Variants in MKLN1 observed in about 807,000 individuals in gnomAD.
MKLN1 encodes the protein muskelin 1.
In MKLN1, 18 loss-of-function variants were observed where a neutral mutation model predicts 99.0. The ratio of observed to expected loss-of-function variants is 0.18; its 90% CI spans 0.13 to 0.27. The LOEUF is 0.27. MKLN1 is among the 10% of genes least tolerant of loss of function. MKLN1 has a pLI of 1.00. For synonymous variants in MKLN1, 288 were observed against 293.2 expected (o/e 0.98, Z 0.18); for missense variants, 621 against 875.9 (o/e 0.71, Z 3.67).
At chr7:131,142,063 G>A (rs892853490) in intron 1 of MKLN1, among the ~76,000 whole-genome samples, 1 of 151,932 alleles carries the variant, frequency 6.6e-6, no homozygotes, top group Non-Finnish European at 1.5e-5. Context: ...GGTTGCTGCA[G>A]CCCAGGAGTT....
At chr7:131,408,506 A>G (rs1232349223) in intron 6 of MKLN1, among the ~76,000 whole-genome samples, 1 of 152,234 alleles carries the variant, frequency 6.6e-6, no homozygotes, top group African/African-American at 2.4e-5. Context: ...AGGCAGCAGT[A>G]CTATAATCTA....
intron 3 of MKLN1, among the ~76,000 whole-genome samples, chr7:131,321,989 A>G (rs942751030): frequency 6.6e-6 from 1 of 152,372 alleles, no homozygotes. Context: ...TGGAAGAGAT[A>G]AGGATCAATA....
At chr7:131,375,384 T>C in intron 1 of MKLN1, 40 bp from the exon 2 acceptor site, 1 of 1,330,616 alleles carries the variant, frequency 7.5e-7, no homozygotes, top group South Asian at 1.2e-5. Context: ...TTTTTGCCTA[T>C]TCATGTTCTC....
chr7:131,421,793 A>G (rs1291952711), intron 8 of MKLN1, among the ~76,000 whole-genome samples: 1 of 152,184 alleles, frequency 6.6e-6, no homozygotes, highest in Non-Finnish European at 1.5e-5. Flanking sequence ...AAAAGTTTAA[A>G]ACAACTTGAA....
intron 1 of MKLN1, among the ~76,000 whole-genome samples, chr7:131,354,071 C>A (rs1022879880): frequency 1.3e-5 from 2 of 152,024 alleles, no homozygotes; most frequent in Non-Finnish European, 2.9e-5. Flanking sequence ...TGATCGCTCT[C>A]ATTTTATTCT....
At chr7:131,375,595 T>C (rs1037987757) in intron 2 of MKLN1, 102 bp downstream of exon 2, 2 of 714,050 alleles carry the variant, frequency 2.8e-6, no homozygotes, top group Non-Finnish European at 4.7e-6. Flanking sequence ...TTATTCTCTT[T>C]TTGAGATTGT....
At chr7:131,365,891 CAG>C (rs747498812) in intron 1 of MKLN1, among the ~76,000 whole-genome samples, 24 of 152,162 alleles carry the variant, frequency 1.6e-4, no homozygotes, top group Non-Finnish European at 4.4e-5. Context: ...ATTACCCCAG[CAG>C]AGTGTTCACA....
chr7:131,383,673 A>G (rs1212782514), intron 2 of MKLN1, among the ~76,000 whole-genome samples: 1 of 152,210 alleles, frequency 6.6e-6, no homozygotes, highest in Non-Finnish European at 1.5e-5. Context: ...TTTCCATCAC[A>G]GTAAATGATA....
At chr7:131,266,224 G>T (rs1295747728) in intron 3 of MKLN1, among the ~76,000 whole-genome samples, 1 of 146,800 alleles carries the variant, frequency 6.8e-6, no homozygotes, top group African/African-American at 2.5e-5. Context: ...GTTGTCTATA[G>T]AATAAAGAGA....
chr7:131,296,464 G>A (rs980313624), intron 3 of MKLN1, among the ~76,000 whole-genome samples: 10 of 152,150 alleles, frequency 6.6e-5, no homozygotes, highest in African/African-American at 2.2e-4. Context: ...TGCTTGCCTT[G>A]TGATAAGAGT....
rs181442999 is a variant in MKLN1, at chr7:131,210,000, G to A, written c.-179+7026G>A. ...ATAGATGAGCAGCTGGGTCAACACC[G>A]GAAATCATCTATTGCCAAACATCTT... is the stretch of plus-strand genomic sequence containing the variant. On this transcript the variant is annotated intron_variant, in intron 3 of 7. Coordinates refer to the MKLN1 transcript ENST00000416992. Among the ~76,000 whole-genome samples the A allele has an allele frequency of 3.7e-4, 57 of 152,248 alleles. 1 individual carries two copies. The highest frequency in any genetic ancestry group is 1.1e-3 in the African/African-American group (47 of 41,526).
At chr7:131,216,290 G>A (rs1430322729) in intron 3 of MKLN1, among the ~76,000 whole-genome samples, 1 of 151,730 alleles carries the variant, frequency 6.6e-6, no homozygotes, top group East Asian at 1.9e-4. Context: ...GTGCGTGGTG[G>A]CGCACTCCTG....
intron 3 of MKLN1, among the ~76,000 whole-genome samples, chr7:131,203,851 T>C (rs1428123481): frequency 6.6e-6 from 1 of 152,158 alleles, no homozygotes; most frequent in Non-Finnish European, 1.5e-5. Context: ...GCTTTGAACA[T>C]GATGCTTGGG....
chr7:131,417,430 AG>A lies in MKLN1; in HGVS notation c.847+2721del, dbSNP rs537855524. Among the ~76,000 whole-genome samples, 387 of 152,294 alleles carry A rather than the reference AG, an allele frequency of 2.5e-3. 2 individuals are homozygous for A. The highest frequency in any genetic ancestry group is 4.5e-3 in the Non-Finnish European group (305 of 68,020). On this transcript the variant is annotated intron_variant, in intron 8 of 17. Transcript: ENST00000352689. ...GGTTGATGACAAAACTAGATTTTTC[AG>A]CCTTTAAAAGAAATCATGGGTGGTC...
At chr7:131,185,541 G>A (rs1796437472) in intron 2 of MKLN1, among the ~76,000 whole-genome samples, 1 of 151,846 alleles carries the variant, frequency 6.6e-6, no homozygotes, top group Admixed American at 6.6e-5. Flanking sequence ...TCGCACCACT[G>A]CACTCCAGCC....
intron 10 of MKLN1, among the ~76,000 whole-genome samples, chr7:131,442,913 A>G (rs1472090365): frequency 6.6e-6 from 1 of 152,254 alleles, no homozygotes; most frequent in Non-Finnish European, 1.5e-5. Context: ...GCTATGTTAA[A>G]AGTAGGCAGA....
At chr7:131,325,100 T>C (rs1798857522), upstream of MKLN1, among the ~76,000 whole-genome samples, 1 of 152,182 alleles carries the variant, frequency 6.6e-6, no homozygotes, top group African/African-American at 2.4e-5. Flanking sequence ...TTTAGCATTA[T>C]TCATTCACTC....
At chr7:131,176,959 G>T (rs899741158) in intron 2 of MKLN1, among the ~76,000 whole-genome samples, 3 of 152,198 alleles carry the variant, frequency 2.0e-5, no homozygotes, top group Non-Finnish European at 4.4e-5. Flanking sequence ...GAAAATGCTA[G>T]GCTGGGAGGG....
intron 1 of MKLN1, among the ~76,000 whole-genome samples, chr7:131,332,726 CT>C (rs1799115595): frequency 6.6e-6 from 1 of 151,692 alleles, no homozygotes; most frequent in South Asian, 2.1e-4. Flanking sequence ...ATAGTAAATA[CT>C]TCCTTATGTT....
Sources: allele counts gnomAD v4.1 joint callset (sites outside exome capture counted in the v4.1 genomes callset), GRCh38; gene constraint gnomAD v4.1.1; transcripts MANE v1.5; gene names NCBI Gene and HGNC (gene_info 2026-07-23, HGNC 2026-07-21).